FHOD3: variants seen among roughly 807,000 people sequenced by gnomAD.
The protein encoded by FHOD3 is FH1/FH2 domain-containing protein 3.
Under a neutral mutation model 173.0 loss-of-function variants are expected in FHOD3, and 90 were observed. The ratio of observed to expected loss-of-function variants is 0.52; its 90% CI spans 0.44 to 0.62. The LOEUF is 0.62. FHOD3 is among the 20% of genes least tolerant of loss of function. FHOD3 has a pLI of 0.00. For synonymous variants in FHOD3, 828 were observed against 823.0 expected (o/e 1.01, Z -0.10); for missense variants, 1,945 against 2,034.7 (o/e 0.96, Z 0.85).
At chr18:36,420,873 T>C (rs2049949481) in intron 3 of FHOD3, among the ~76,000 whole-genome samples, 1 of 152,202 alleles carries the variant, frequency 6.6e-6, no homozygotes, top group African/African-American at 2.4e-5. Context: ...GGAGTGTAAA[T>C]AGTAAATGGA....
intron 5 of FHOD3, among the ~76,000 whole-genome samples, chr18:36,558,323 G>T (rs1462475204): frequency 6.6e-6 from 1 of 152,012 alleles, no homozygotes; most frequent in African/African-American, 2.4e-5. Context: ...GCCACTGGAG[G>T]GCTCACCTCC....
At chr18:36,495,276 C>T (rs2054684115) in intron 3 of FHOD3, among the ~76,000 whole-genome samples, 1 of 152,044 alleles carries the variant, frequency 6.6e-6, no homozygotes, top group Admixed American at 6.5e-5. Context: ...AGGAAGGGAC[C>T]CACAGTGTCA....
At chr18:36,393,177 G>C (rs1282142410) in intron 3 of FHOD3, among the ~76,000 whole-genome samples, 2 of 152,204 alleles carry the variant, frequency 1.3e-5, no homozygotes, top group African/African-American at 2.4e-5. Flanking sequence ...AGGGCAGAAG[G>C]CTGCCTGCTT....
rs190378489 is a variant in FHOD3, at chr18:36,773,524, G to T, written c.4786+4098G>T. Among the ~76,000 whole-genome samples, 27 of 152,326 alleles carry T rather than the reference G, an allele frequency of 1.8e-4. No individual in the cohort carries two copies. In the East Asian group the frequency reaches 4.8e-3, roughly 27 times the overall value. ...AGCAGGGATGGGGCCTGGGTCTCAC[G>T]AGTGACTTGGCCCTTACCGTGTATC... On this transcript the variant is annotated intron_variant, in intron 28 of 28. Coordinates refer to ENST00000590592, the MANE Select transcript of FHOD3 (RefSeq NM_001281740.3).
chr18:36,653,925 T>C (rs2036236719), intron 13 of FHOD3, among the ~76,000 whole-genome samples: 1 of 152,218 alleles, frequency 6.6e-6, no homozygotes, highest in Admixed American at 6.5e-5. Flanking sequence ...TTTACTACAC[T>C]GAGGAAACTG....
At chr18:36,666,057 A>G (rs2037159630) in intron 14 of FHOD3, among the ~76,000 whole-genome samples, 1 of 152,224 alleles carries the variant, frequency 6.6e-6, no homozygotes, top group Admixed American at 6.5e-5. Flanking sequence ...GAAGCATGAC[A>G]ACAGCCAGGG....
chr18:36,499,953 T>C (rs1321506679), intron 3 of FHOD3, among the ~76,000 whole-genome samples: 1 of 152,224 alleles, frequency 6.6e-6, no homozygotes, highest in African/African-American at 2.4e-5. Flanking sequence ...TGGAGTCACA[T>C]ACCACTCCCC....
At chr18:36,708,572 A>G (rs2040004870) in intron 17 of FHOD3, among the ~76,000 whole-genome samples, 1 of 152,196 alleles carries the variant, frequency 6.6e-6, no homozygotes, top group Non-Finnish European at 1.5e-5. Context: ...GCTGGAATTA[A>G]GGCTGCGGCT....
At chr18:36,457,830 T>C (rs79787722) in intron 3 of FHOD3, among the ~76,000 whole-genome samples, 1,885 of 152,342 alleles carry the variant, frequency 0.012, 20 homozygotes, top group East Asian at 0.059. Flanking sequence ...ATTTTGTTTC[T>C]GCTGAATCGG....
At chr18:36,550,452 G>GT (rs2057604397) in intron 5 of FHOD3, among the ~76,000 whole-genome samples, 4 of 150,368 alleles carry the variant, frequency 2.7e-5, no homozygotes, top group Admixed American at 6.6e-5. Context: ...TAAGAATTTT[G>GT]GTTTTTTTTC....
intron 14 of FHOD3, among the ~76,000 whole-genome samples, chr18:36,665,450 A>G (rs901469051): frequency 3.9e-5 from 6 of 152,208 alleles, no homozygotes; most frequent in African/African-American, 1.2e-4. Flanking sequence ...GAGAGCTGAA[A>G]AGAGAGAGGC....
chr18:36,697,068 A>G, intron 17 of FHOD3, among the ~76,000 whole-genome samples: 1 of 152,248 alleles, frequency 6.6e-6, no homozygotes, highest in Non-Finnish European at 1.5e-5. Flanking sequence ...GTTCTTCAAC[A>G]TAATTCTTGA....
chr18:36,476,324 T>C (rs555782425), intron 3 of FHOD3, among the ~76,000 whole-genome samples: 6 of 152,302 alleles, frequency 3.9e-5, no homozygotes, highest in Admixed American at 1.3e-4. Context: ...TGGAAGGTGA[T>C]GCCAGCAGAA....
At chr18:36,325,685 C>G (rs562536725) in intron 1 of FHOD3, among the ~76,000 whole-genome samples, 1 of 151,472 alleles carries the variant, frequency 6.6e-6, no homozygotes, top group East Asian at 1.9e-4. Flanking sequence ...CTTTTCCTCT[C>G]TCTTTCTCCT....
At position 36,297,967 on chromosome 18, in the gene FHOD3, G is replaced by T; in HGVS notation, c.132G>T (p.Ala44=). ...ACCTCGCGCTCGGCACCCAGCTGGC[G>T]GGGGTCCATAGGCTGCTGCAGGCGC... ...REDLALGTQL[A]GVHRLLQAPH... The change falls in exon 1 of 29, where the codon GCG becomes GCT. Residue 44 remains alanine (A), a synonymous_variant. Coordinates refer to ENST00000590592, the MANE Select transcript of FHOD3 (RefSeq NM_001281740.3). 6.4e-7 allele frequency: 1 copy of T among 1,564,862 alleles called. No individual in the cohort carries two copies. The highest frequency in any genetic ancestry group is 2.4e-5 in the East Asian group (1 of 41,142).
intron 9 of FHOD3, among the ~76,000 whole-genome samples, chr18:36,625,172 G>A (rs1323779777): frequency 6.6e-6 from 1 of 152,164 alleles, no homozygotes; most frequent in Non-Finnish European, 1.5e-5. Context: ...GGTGGGCAAG[G>A]AGATGGTGAA....
chr18:36,534,917 C>T (rs2056932703), intron 5 of FHOD3, among the ~76,000 whole-genome samples: 1 of 152,214 alleles, frequency 6.6e-6, no homozygotes, highest in Admixed American at 6.5e-5. Flanking sequence ...GGAACATCTG[C>T]CTAAGTTTAC....
rs548544121 is a variant in FHOD3 at position 36,553,028 on chromosome 18, AG to A, written c.512-23420del. Among the ~76,000 whole-genome samples the A allele has an allele frequency of 5.2e-3, 788 of 152,264 alleles. 5 individuals carry two copies. The highest frequency in any genetic ancestry group is 0.018 in the African/African-American group (743 of 41,546). ...AGTTTATTGAGAGTTTTTAGCATGA[AG>A]GGTTGTTGAATTTTGTCAAAGGCCT... On this transcript the variant is annotated intron_variant, in intron 5 of 28. Transcript: ENST00000590592.
intron 1 of FHOD3, among the ~76,000 whole-genome samples, chr18:36,309,371 C>T (rs1303155981): frequency 6.6e-6 from 1 of 152,146 alleles, no homozygotes. Context: ...GGAAGGTAGA[C>T]CTGGGGAGAA....
Sources: allele counts gnomAD v4.1 joint callset (sites outside exome capture counted in the v4.1 genomes callset), GRCh38; gene constraint gnomAD v4.1.1; transcripts MANE v1.5; gene names NCBI Gene and HGNC (gene_info 2026-07-23, HGNC 2026-07-21).